The following POLQ variants were observed in gnomAD, a reference collection of about 807,000 sequenced individuals.
POLQ encodes the protein epididymis secretory sperm binding protein.
Under a neutral mutation model 259.2 loss-of-function variants are expected in POLQ, and 233 were observed. The observed-to-expected ratio is 0.90, with a 90% CI of 0.81 to 1.00. The LOEUF is 1.00. POLQ is among the 50% of genes least tolerant of loss of function. The pLI is 0.00. For missense variants in POLQ, 2,871 were observed against 3,051.6 expected, an observed-to-expected ratio of 0.94 and a Z score of 1.39; for synonymous variants, 1,025 against 1,048.8, an observed-to-expected ratio of 0.98 and a Z score of 0.44.
rs1451456592 is a variant in POLQ, at chr3:121,509,699, C to A, written c.1821G>T (p.Lys607Asn). 1 of 1,612,154 alleles carries A rather than the reference C, an allele frequency of 6.2e-7. No individual in the cohort carries two copies. Among genetic ancestry groups the A allele is most frequent in the Admixed American group, 1.7e-5 (1 of 59,626 alleles). ...STEASDGTEGKVYHPTHLGSA... is the reference protein window; with the variant it reads ...STEASDGTEGNVYHPTHLGSA... ...AACCAAGATGTGTTGGATGATACAC[C>A]TTTCCTGGTTTAGGGTTAGGGTGAG... The change falls in exon 12 of 30, where the codon AAG (lysine) becomes AAT (asparagine). Residue 607 changes from lysine (K) to asparagine (N), a missense_variant. By Grantham distance (94) the Lys-to-Asn change is moderately conservative. Transcript: ENST00000264233.
At chr3:121,432,820 A>G (rs2047507219) in intron 29 of POLQ, 98 bp downstream of exon 29, 3 of 742,334 alleles carry the variant, frequency 4.0e-6, no homozygotes, top group African/African-American at 3.5e-5. Flanking sequence ...GGGCTAGGGT[A>G]GAGTTCCAAA....
rs568886094 is a variant in POLQ, at chr3:121,492,945, C to T, written c.2522+533G>A. The stretch of plus-strand genomic sequence containing the variant: ...AGGAGTGAGTCACTGTGCCCAGCCC[C>T]ACTCAGACGTTCTAGCAGGAATGTT... On this transcript the variant is annotated intron_variant, in intron 15 of 29. Coordinates refer to ENST00000264233, the MANE Select transcript of POLQ (RefSeq NM_199420.4). 2.6e-5 allele frequency among the ~76,000 whole-genome samples: 4 copies of T among 152,058 alleles called. No individual in the cohort carries two copies. The South Asian group carries it at 8.3e-4, about 32-fold the overall frequency.
At chr3:121,440,705 G>A (rs921745110) in intron 26 of POLQ, among the ~76,000 whole-genome samples, 17 of 152,052 alleles carry the variant, frequency 1.1e-4, no homozygotes, top group African/African-American at 3.9e-4. Context: ...AGATATCTAG[G>A]TGTCTTTATT....
intron 8 of POLQ, 140 bp downstream of exon 8, chr3:121,521,863 G>T: frequency 1.8e-6 from 1 of 562,366 alleles, no homozygotes; most frequent in Non-Finnish European, 2.9e-6. Context: ...GAGCCACCAC[G>T]CCCAGCCCAC....
rs1353203361 is a variant in POLQ, at chr3:121,544,757, C to T, written c.313G>A (p.Val105Ile). ...TAAACTAAATTCTTTCCTTCCAGGA[C>T]TTGTCCAAGCAAAAGGCACTCTGCC... is the stretch of plus-strand genomic sequence containing the variant. ...WQAECLLLGQ[V>I]LEGKNLVYSA... The change falls in exon 2 of 30, where the codon GTC becomes ATC. Residue 105 changes from valine to isoleucine, a missense_variant. Val to Ile is a conservative substitution (Grantham distance 29, BLOSUM62 3). Coordinates refer to ENST00000264233, the MANE Select transcript of POLQ (RefSeq NM_199420.4). 1.2e-6 allele frequency: 2 copies of T among 1,612,778 alleles called. No individual in the cohort carries two copies. Among genetic ancestry groups the T allele is most frequent in the Admixed American group, 3.3e-5 (2 of 59,916 alleles).
intron 12 of POLQ, among the ~76,000 whole-genome samples, chr3:121,499,115 T>TA (rs1254353933): frequency 6.6e-6 from 1 of 150,594 alleles, no homozygotes; most frequent in Non-Finnish European, 1.5e-5. Flanking sequence ...TTACTTAAAA[T>TA]AAAAAGACAA....
At chr3:121,468,933 T>C (rs1014102130) in intron 22 of POLQ, among the ~76,000 whole-genome samples, 6 of 152,080 alleles carry the variant, frequency 3.9e-5, no homozygotes, top group Non-Finnish European at 1.5e-5. Context: ...TTGAATCAGG[T>C]GGTTAATAGT....
At chr3:121,516,072 G>A (rs905773530) in intron 9 of POLQ, among the ~76,000 whole-genome samples, 1 of 151,820 alleles carries the variant, frequency 6.6e-6, no homozygotes, top group Non-Finnish European at 1.5e-5. Flanking sequence ...GCTCAATCAA[G>A]CAGAAGAGAG....
chr3:121,441,443 A>C (rs1004427017), intron 26 of POLQ, among the ~76,000 whole-genome samples: 4 of 152,142 alleles, frequency 2.6e-5, no homozygotes, highest in African/African-American at 9.7e-5. Flanking sequence ...TGATACTCTT[A>C]AGTTTTTCAT....
Position 121,519,885 on chromosome 3 carries a change from C to T in POLQ, c.1454G>A (p.Gly485Glu). The T allele has an allele frequency of 1.3e-6, 2 of 1,572,820 alleles. No individual in the cohort carries two copies. The highest frequency in any genetic ancestry group is 1.8e-6 in the Non-Finnish European group (2 of 1,142,448). ...AACTCACTTACCTACTGTGTCCACT[C>T]CTTTCCTGCCAGCACGGCCAACCAT... is the stretch of plus-strand genomic sequence containing the variant. ...KQMVGRAGRK[G>E]VDTVGESILI... Residue 485 changes from glycine (G) to glutamate (E), a missense_variant, in exon 9 of 30, where the codon GGA becomes GAA. Transcript: ENST00000264233.
Position 121,446,855 on chromosome 3 carries a change from T to G in POLQ, c.7264+2460A>C, listed in dbSNP as rs144804730. 1.0e-3 allele frequency among the ~76,000 whole-genome samples: 152 copies of G among 152,284 alleles called. 1 individual carries two copies. The East Asian group carries it at 0.02, about 20-fold the overall frequency. ...ATCTTTAGAGGTGAAATGTGTTTCC[T>G]GTAGGGAACAGATCATTGGGTCTTG... On this transcript the variant is annotated intron_variant, in intron 26 of 29. Coordinates refer to ENST00000264233, the MANE Select transcript of POLQ (RefSeq NM_199420.4).
chr3:121,509,208 A>G (rs965943706), intron 12 of POLQ, among the ~76,000 whole-genome samples: 35 of 152,286 alleles, frequency 2.3e-4, no homozygotes, highest in African/African-American at 7.7e-4. Flanking sequence ...AATGGCACGC[A>G]TGTTTGTGTA....
intron 23 of POLQ, 60 bp downstream of exon 23, chr3:121,468,244 AT>A: frequency 7.5e-7 from 1 of 1,330,782 alleles, no homozygotes; most frequent in Non-Finnish European, 1.0e-6. Flanking sequence ...CTAATAAGCT[AT>A]TTTGAGCCAT....
chr3:121,511,775 C>A, intron 10 of POLQ, 112 bp downstream of exon 10: 1 of 887,170 alleles, frequency 1.1e-6, no homozygotes, highest in Non-Finnish European at 1.6e-6. Flanking sequence ...GAGACTCTGT[C>A]TCAAAAATAA....
intron 13 of POLQ, 36 bp from the exon 14 acceptor site, chr3:121,496,968 C>G: frequency 6.2e-7 from 1 of 1,608,186 alleles, no homozygotes; most frequent in Non-Finnish European, 8.5e-7. Context: ...GTAAGAGATC[C>G]TTCACGTCTA....
At chr3:121,466,344 C>CGAGAGT (rs2047835809) in intron 24 of POLQ, among the ~76,000 whole-genome samples, 1 of 127,136 alleles carries the variant, frequency 7.9e-6, no homozygotes, top group Non-Finnish European at 1.6e-5. Context: ...TCAGCCTGGG[C>CGAGAGT]GAGAGTGAGA....
rs184692736 is a variant in POLQ, at chr3:121,503,303, C to A, written c.1960-4633G>T. On this transcript the variant is annotated intron_variant, in intron 12 of 29. Transcript: ENST00000264233. ...GCTATACCATCTACATTTGTGTAAGCACACTCTGTAATATTCACACAACAA... is the reference window on the plus strand; with the variant it reads ...GCTATACCATCTACATTTGTGTAAGAACACTCTGTAATATTCACACAACAA... Among the ~76,000 whole-genome samples, 376 of 152,274 alleles carry A rather than the reference C, an allele frequency of 2.5e-3. 1 individual carries two copies. Among genetic ancestry groups the A allele is most frequent in the Non-Finnish European group, 3.8e-3 (261 of 68,024 alleles).
intron 12 of POLQ, among the ~76,000 whole-genome samples, chr3:121,504,059 G>A (rs1261086077): frequency 6.6e-6 from 1 of 152,032 alleles, no homozygotes; most frequent in Non-Finnish European, 1.5e-5. Flanking sequence ...GTACAGACAG[G>A]GTTTCACCAT....
intron 19 of POLQ, among the ~76,000 whole-genome samples, chr3:121,480,149 T>C (rs2047959169): frequency 2.0e-5 from 3 of 149,736 alleles, no homozygotes; most frequent in Non-Finnish European, 4.5e-5. Context: ...AGTGGAGTAA[T>C]AAAAAGAAAA....
Sources: allele counts gnomAD v4.1 joint callset (sites outside exome capture counted in the v4.1 genomes callset), GRCh38; gene constraint gnomAD v4.1.1; transcripts MANE v1.5; gene names NCBI Gene and HGNC (gene_info 2026-07-23, HGNC 2026-07-21).